Variants in NDUFAF5 observed in about 807,000 individuals in gnomAD.
The protein encoded by NDUFAF5 is NADH:ubiquinone oxidoreductase complex assembly factor 5.
Under a neutral mutation model 48.9 loss-of-function variants are expected in NDUFAF5, and 34 were observed. The observed-to-expected ratio is 0.70, with a 90% CI of 0.53 to 0.93. The LOEUF is 0.93. NDUFAF5 is among the 40% of genes least tolerant of loss of function. The pLI is 0.00. For missense variants in NDUFAF5, 428 were observed against 427.5 expected (o/e 1.00, Z -0.01); for synonymous variants, 153 against 150.6 (o/e 1.02, Z -0.12).
At chr20:13,806,994 G>A (rs1331151421) in intron 7 of NDUFAF5, among the ~76,000 whole-genome samples, 2 of 151,722 alleles carry the variant, frequency 1.3e-5, no homozygotes, top group Non-Finnish European at 2.9e-5. Context: ...GGATTCTCAT[G>A]CCTCTGCCTC....
chr20:13,794,796 C>T, intron 4 of NDUFAF5, 42 bp from the exon 5 acceptor site: 1 of 1,166,360 alleles, frequency 8.6e-7, no homozygotes. Flanking sequence ...AATTGAGATT[C>T]TACATAAATG....
At chr20:13,789,604 T>G (rs1219947325) in intron 3 of NDUFAF5, among the ~76,000 whole-genome samples, 1 of 152,012 alleles carries the variant, frequency 6.6e-6, no homozygotes, top group African/African-American at 2.4e-5. Context: ...GCCTCCCGAG[T>G]ACCTGGGTCT....
chr20:13,787,025 T>C (rs1981286229), intron 1 of NDUFAF5: 1 of 466,784 alleles, frequency 2.1e-6, no homozygotes, highest in African/African-American at 2.0e-5. Context: ...TTCATCCTTG[T>C]GATCTTATGT....
chr20:13,787,831 G>A (rs1981464046), intron 2 of NDUFAF5, among the ~76,000 whole-genome samples: 1 of 151,604 alleles, frequency 6.6e-6, no homozygotes, highest in Non-Finnish European at 1.5e-5. Context: ...GGCTCTTTTT[G>A]TTCCAGTTTT....
At chr20:13,808,777 CTTT>C (rs1165949391) in intron 7 of NDUFAF5, 62 bp from the exon 8 acceptor site, 1 of 1,160,952 alleles carries the variant, frequency 8.6e-7, no homozygotes, top group Non-Finnish European at 1.3e-6. Context: ...TCTGCGGCCT[CTTT>C]TTTAAATCTG....
intron 7 of NDUFAF5, among the ~76,000 whole-genome samples, chr20:13,802,690 A>AC (rs11087064): frequency 7.3e-5 from 11 of 150,578 alleles, no homozygotes; most frequent in African/African-American, 2.7e-4. Context: ...AAAAAAAAAA[A>AC]GCAAATGTTA....
chr20:13,795,317 C>T (rs1296047504), intron 5 of NDUFAF5, among the ~76,000 whole-genome samples: 1 of 151,918 alleles, frequency 6.6e-6, no homozygotes, highest in Non-Finnish European at 1.5e-5. Context: ...TAATAAGTTA[C>T]ATTGGGGAGA....
chr20:13,818,463 A>G lies in NDUFAF5; in HGVS notation c.*1253A>G. On this transcript the variant is annotated 3_prime_UTR_variant, in exon 11 of 11. Coordinates refer to ENST00000378106, the MANE Select transcript of NDUFAF5 (RefSeq NM_024120.5). ...TTGGGGTTTTTTTTTTTTTTAGCTT[A>G]ATTTTCAGAACTTGAAGAGAGAGAA... The G allele has an allele frequency of 5.9e-6, 2 of 341,244 alleles. No homozygotes were observed. The highest frequency in any genetic ancestry group is 1.1e-5 in the Non-Finnish European group (2 of 177,576). 21.1% of individuals were successfully genotyped at this position (341,244 alleles called of 1,614,324 possible).
chr20:13,806,278 C>G (rs1477674772), intron 7 of NDUFAF5, among the ~76,000 whole-genome samples: 1 of 152,184 alleles, frequency 6.6e-6, no homozygotes, highest in East Asian at 1.9e-4. Flanking sequence ...GAGGCCAAGG[C>G]AGGCAGATCA....
At position 13,817,802 on chromosome 20, in the gene NDUFAF5, CACAGTCATCAGTTTATTGTTAA is replaced by C. The variant is rs35624053; in HGVS notation, c.*593_*614del. 143,010 of 453,900 alleles carry C rather than the reference CACAGTCATCAGTTTATTGTTAA, an allele frequency of 0.32. 24,210 individuals are homozygous for C. The highest frequency in any genetic ancestry group is 0.48 in the Middle Eastern group (699 of 1,444). The allele number at this position is 453,900 out of a possible 1,614,324, so 28.1% of individuals were successfully genotyped here. A position where few individuals can be genotyped will look rare whatever the true frequency, so the allele number is the denominator to read the frequency against. On this transcript the variant is annotated 3_prime_UTR_variant, in exon 11 of 11. Coordinates refer to ENST00000378106, the MANE Select transcript of NDUFAF5 (RefSeq NM_024120.5). ...GTAGAATCACATGTAACAGTCTCTG[CACAGTCATCAGTTTATTGTTAA>C]GCTTTCCTTTGTAATTTCAGGGCTT...
Position 13,817,261 on chromosome 20 carries a change from C to A in NDUFAF5, c.*51C>A. On this transcript the variant is annotated 3_prime_UTR_variant, in exon 11 of 11. Transcript: ENST00000378106. Reference sequence around the variant, plus strand: ...CAGAATTTTCATCAGAAATGGATAGCTTTAACATCTAAAATTATTATATTT... The same window carrying A: ...CAGAATTTTCATCAGAAATGGATAGATTTAACATCTAAAATTATTATATTT... The A allele has an allele frequency of 7.8e-7, 1 of 1,277,044 alleles. No individual in the cohort carries two copies. Among genetic ancestry groups the A allele is most frequent in the Non-Finnish European group, 1.1e-6 (1 of 872,548 alleles). 79.1% of individuals were successfully genotyped at this position (1,277,044 alleles called of 1,614,324 possible). A position where few individuals can be genotyped will look rare whatever the true frequency, so the allele number is the denominator to read the frequency against.
intron 3 of NDUFAF5, among the ~76,000 whole-genome samples, chr20:13,792,072 A>G (rs1982371446): frequency 6.6e-6 from 1 of 152,180 alleles, no homozygotes; most frequent in South Asian, 2.1e-4. Flanking sequence ...CTGAAGTCTA[A>G]ATGTTCTTCC....
intron 9 of NDUFAF5, 36 bp from the exon 10 acceptor site, chr20:13,816,839 C>T: frequency 1.4e-6 from 2 of 1,465,826 alleles, no homozygotes; most frequent in Non-Finnish European, 1.9e-6. Flanking sequence ...TTCCTACTTG[C>T]ATTTTTTCAG....
chr20:13,808,044 G>A (rs752603814), intron 7 of NDUFAF5, among the ~76,000 whole-genome samples: 13 of 152,142 alleles, frequency 8.5e-5, no homozygotes, highest in Non-Finnish European at 1.5e-4. Flanking sequence ...TCACAGCTGC[G>A]TGCTGGTGGG....
intron 3 of NDUFAF5, among the ~76,000 whole-genome samples, chr20:13,792,191 G>A (rs1158180036): frequency 6.6e-6 from 1 of 152,218 alleles, no homozygotes; most frequent in East Asian, 1.9e-4. Context: ...TCACAGGAGT[G>A]TGCTGGAGCT....
chr20:13,795,849 G>A (rs749959278), intron 5 of NDUFAF5, among the ~76,000 whole-genome samples: 19 of 152,104 alleles, frequency 1.2e-4, no homozygotes, highest in Non-Finnish European at 2.5e-4. Flanking sequence ...CCAGAATGTA[G>A]TTCTCAAGAT....
chr20:13,795,043 A>G, intron 5 of NDUFAF5, 102 bp downstream of exon 5: 2 of 795,724 alleles, frequency 2.5e-6, no homozygotes, highest in South Asian at 2.9e-5. Context: ...CTGTAATGCT[A>G]GCACTTTGGG....
rs370212590 is a variant in NDUFAF5 at position 13,816,589 on chromosome 20, G to C, written c.862+43G>C. On this transcript the variant is annotated intron_variant, in intron 9 of 10. Coordinates refer to ENST00000378106, the MANE Select transcript of NDUFAF5 (RefSeq NM_024120.5). ...TTTCACCCGCCTCACCAAGGCACTT[G>C]TGCTGTATCATGTTGATTCCCTTCA... The C allele has an allele frequency of 7.4e-6, 11 of 1,488,398 alleles. No homozygotes were observed. The African/African-American group carries it at 1.4e-4, about 19-fold the overall frequency. The allele number at this position is 1,488,398 out of a possible 1,614,324, so 92.2% of individuals were successfully genotyped here.
intron 8 of NDUFAF5, 162 bp from the exon 9 acceptor site, chr20:13,816,301 G>A (rs980876845): frequency 1.3e-5 from 9 of 692,306 alleles, no homozygotes; most frequent in African/African-American, 8.8e-5. Flanking sequence ...GAGTCACTAA[G>A]AAACCCAGTT....
Sources: allele counts gnomAD v4.1 joint callset (sites outside exome capture counted in the v4.1 genomes callset), GRCh38; gene constraint gnomAD v4.1.1; transcripts MANE v1.5; gene names NCBI Gene and HGNC (gene_info 2026-07-23, HGNC 2026-07-21).